SLC6A9: variants seen among roughly 807,000 people sequenced by gnomAD.
SLC6A9 encodes the protein sodium- and chloride-dependent glycine transporter 1.
A neutral mutation model predicts 70.9 loss-of-function variants in SLC6A9; 31 were observed. The observed-to-expected ratio is 0.44, with a 90% confidence interval of 0.33 to 0.59. SLC6A9 has a LOEUF of 0.59. SLC6A9 is among the 20% of genes least tolerant of loss of function. SLC6A9 has a pLI of 0.04. For synonymous variants in SLC6A9, 310 were observed against 341.3 expected (o/e 0.91, Z 1.01); for missense variants, 631 against 845.2 (o/e 0.75, Z 3.14).
chr1:44,017,371 A>G (rs2154306894), intron 2 of SLC6A9: 1 of 84,344 alleles, frequency 1.2e-5, no homozygotes, highest in East Asian at 7.6e-4. Flanking sequence ...CTGGAACAAC[A>G]CACACACACA....
At chr1:44,025,850 C>T (rs945699671) in intron 1 of SLC6A9, among the ~76,000 whole-genome samples, 23 of 152,096 alleles carry the variant, frequency 1.5e-4, no homozygotes, top group Non-Finnish European at 2.1e-4. Context: ...AGGAAGGATT[C>T]GGCTCTGCCT....
chr1:44,008,868 C>A (rs1031889151), intron 4 of SLC6A9, among the ~76,000 whole-genome samples: 9 of 151,304 alleles, frequency 5.9e-5, no homozygotes, highest in Non-Finnish European at 1.0e-4. Context: ...TACAGGCGCC[C>A]ACCACCACGC....
In SLC6A9 at chr1:43,997,655, C is replaced by A; in HGVS notation, c.1792G>T (p.Ala598Ser). The A allele has an allele frequency of 6.2e-7, 1 of 1,614,000 alleles. No individual in the cohort carries two copies. The highest frequency in any genetic ancestry group is 8.5e-7 in the Non-Finnish European group (1 of 1,179,974). ...HRTGRYAPTI[A>S]PSPEDGFEVQ... ...TCGAAGCCGTCCTCAGGAGAGGGGG[C>A]TATGGTGGGGGCGTAGCGCCCTGTC... The change falls in exon 14 of 14, where the codon GCC becomes TCC. Residue 598 changes from alanine to serine, a missense_variant. Transcript: ENST00000372310. The surrounding 1 kb of genome is among the most constrained non-coding windows in gnomAD (Gnocchi z 4.4).
In SLC6A9 at chr1:44,018,821, T is replaced by A. The variant is rs925604683; in HGVS notation, c.30+5427A>T. ...GGTGTGTACCTATAGTCCCAGCTACTCAGGAGACTGAGGAGGGAGTTTTGC... is the reference window on the plus strand; with the variant it reads ...GGTGTGTACCTATAGTCCCAGCTACACAGGAGACTGAGGAGGGAGTTTTGC... On this transcript the variant is annotated intron_variant, in intron 2 of 13. Coordinates refer to ENST00000372310, the MANE Select transcript of SLC6A9 (RefSeq NM_001024845.3). This position sits in a 1 kb window ranked among gnomAD's most constrained non-coding sequence, Gnocchi z 4.2. 2.0e-5 allele frequency among the ~76,000 whole-genome samples: 3 copies of A among 151,982 alleles called. No individual in the cohort carries two copies. Among genetic ancestry groups the A allele is most frequent in the African/African-American group, 4.8e-5 (2 of 41,376 alleles).
intron 5 of SLC6A9, among the ~76,000 whole-genome samples, chr1:44,004,247 C>T (rs951237952): frequency 2.0e-5 from 3 of 152,208 alleles, no homozygotes; most frequent in Non-Finnish European, 2.9e-5. Flanking sequence ...CCACCTGCCT[C>T]AGCCTCCCAA....
chr1:44,010,468 G>C (rs1449631502), intron 3 of SLC6A9: 2 of 256,364 alleles, frequency 7.8e-6, no homozygotes, highest in African/African-American at 4.5e-5. Context: ...GGGGGGGGGG[G>C]GGGTTAGGTC....
At chr1:44,019,714 C>T (rs1265551116) in intron 2 of SLC6A9, among the ~76,000 whole-genome samples, 1 of 152,246 alleles carries the variant, frequency 6.6e-6, no homozygotes, top group Non-Finnish European at 1.5e-5. Context: ...TAGCGAGATC[C>T]AGCTGCTCTA....
intron 12 of SLC6A9, among the ~76,000 whole-genome samples, chr1:43,999,848 G>C (rs1253776768): frequency 6.6e-6 from 1 of 152,176 alleles, no homozygotes; most frequent in Non-Finnish European, 1.5e-5. Flanking sequence ...ATCACTCAGA[G>C]GTGGCCTTGC....
rs2486009 is a variant in SLC6A9, at chr1:44,031,093, T to C, written c.-86+213A>G. On this transcript the variant is annotated intron_variant, in intron 1 of 13. Coordinates refer to ENST00000372310, the MANE Select transcript of SLC6A9 (RefSeq NM_001024845.3). ...ACCCAGACGCGCGCACCTACCCCGA[T>C]CTTTGCGGCGAGACAGACATCCCGG... Among the ~76,000 whole-genome samples the C allele has an allele frequency of 0.91, 137,094 of 151,144 alleles. 62,420 individuals carry two copies. Among genetic ancestry groups the C allele is most frequent in the East Asian group, 1 (5,032 of 5,036 alleles).
Position 44,010,463 on chromosome 1 carries a change from G to GGT in SLC6A9, c.187+262_187+263insAC. 2.2e-5 allele frequency: 5 copies of GGT among 232,526 alleles called. 1 individual carries two copies. In the South Asian group the frequency reaches 3.6e-4, roughly 17 times the overall value. 14.4% of individuals were successfully genotyped at this position (232,526 alleles called of 1,614,324 possible). On this transcript the variant is annotated intron_variant, in intron 3 of 13. Coordinates refer to ENST00000372310, the MANE Select transcript of SLC6A9 (RefSeq NM_001024845.3). ...AACAGGGAGCCTTGTGGGCGGGGGG[G>GGT]GGGGGGGGTTAGGTCCTTTTCTCAC...
At chr1:44,016,343 G>A (rs1315806729) in intron 2 of SLC6A9, 1 of 152,348 alleles carries the variant, frequency 6.6e-6, no homozygotes, top group Non-Finnish European at 1.5e-5. Flanking sequence ...CCTGCGTACT[G>A]TTCCTCCCAG....
chr1:44,015,850 A>G (rs1347202054), intron 2 of SLC6A9: 1 of 985,254 alleles, frequency 1.0e-6, no homozygotes, highest in Non-Finnish European at 1.2e-6. Context: ...GTGGAGGGGC[A>G]GAACATGGGA....
At chr1:44,023,102 T>C (rs2086916947) in intron 2 of SLC6A9, among the ~76,000 whole-genome samples, 1 of 152,074 alleles carries the variant, frequency 6.6e-6, no homozygotes, top group African/African-American at 2.4e-5. Context: ...ACCAGGCCAA[T>C]GACTCTTTCA....
At chr1:44,006,391 C>T (rs1316058910) in intron 5 of SLC6A9, among the ~76,000 whole-genome samples, 1 of 151,956 alleles carries the variant, frequency 6.6e-6, no homozygotes, top group Non-Finnish European at 1.5e-5. Flanking sequence ...AGTTCGAGAC[C>T]AGCCCGGCCA....
Position 44,011,479 on chromosome 1 carries a change from G to T in SLC6A9, c.31-597C>A, listed in dbSNP as rs1356414886. The T allele has an allele frequency of 6.9e-6, 8 of 1,162,052 alleles. No homozygotes were observed. In the East Asian group the frequency reaches 1.6e-4, roughly 24 times the overall value. The allele number at this position is 1,162,052 out of a possible 1,614,324, so 72.0% of individuals were successfully genotyped here. On this transcript the variant is annotated intron_variant, in intron 2 of 13. Transcript: ENST00000372310. ...AGCTGAGCCGGGACAGACATGGGGA[G>T]GGCATTCTGGGACTCTAGGTGGGAG...
At chr1:44,020,608 C>T (rs558302005) in intron 2 of SLC6A9, among the ~76,000 whole-genome samples, 87 of 152,296 alleles carry the variant, frequency 5.7e-4, no homozygotes, top group African/African-American at 1.9e-3. Context: ...CAGGGACAGG[C>T]CCTCTACCAA....
At chr1:43,999,493 C>T (rs1481207390) in intron 12 of SLC6A9, among the ~76,000 whole-genome samples, 1 of 152,028 alleles carries the variant, frequency 6.6e-6, no homozygotes, top group Non-Finnish European at 1.5e-5. Flanking sequence ...AGTCTGAATG[C>T]TGGGAGACCC....
chr1:44,010,190 T>C (rs1571880306), intron 3 of SLC6A9, 94 bp from the exon 4 acceptor site: 25 of 1,403,946 alleles, frequency 1.8e-5, no homozygotes, highest in Non-Finnish European at 2.4e-5. Context: ...ACCTTCGCGA[T>C]TGGGTAGGAC....
chr1:44,017,370 C>CACACACACACACACACACAA (rs2086788041), intron 2 of SLC6A9: 2 of 8,788 alleles, frequency 2.3e-4, no homozygotes, highest in East Asian at 6.3e-3. Context: ...ACTGGAACAA[C>CACACACACACACACACACAA]ACACACACAC....
Sources: allele counts gnomAD v4.1 joint callset (sites outside exome capture counted in the v4.1 genomes callset), GRCh38; gene constraint gnomAD v4.1.1; non-coding constraint Gnocchi (gnomAD v3.1); transcripts MANE v1.5; gene names NCBI Gene and HGNC (gene_info 2026-07-23, HGNC 2026-07-21).